Variants in GPLD1 observed in about 807,000 individuals in gnomAD.
The protein encoded by GPLD1 is phosphatidylinositol-glycan-specific phospholipase D.
Under a neutral mutation model 112.6 loss-of-function variants are expected in GPLD1, and 84 were observed. The observed-to-expected ratio is 0.75, with a 90% CI of 0.63 to 0.89. GPLD1 has a LOEUF of 0.89. GPLD1 is among the 40% of genes least tolerant of loss of function. GPLD1 has a pLI of 0.00. For missense variants in GPLD1, 1,044 were observed against 1,051.5 expected (o/e 0.99, Z 0.10); for synonymous variants, 386 against 403.8 (o/e 0.96, Z 0.53).
upstream of GPLD1, among the ~76,000 whole-genome samples, chr6:24,489,922 C>T (rs1374750512): frequency 6.6e-6 from 1 of 152,284 alleles, no homozygotes; most frequent in East Asian, 1.9e-4. Flanking sequence ...ACATATTAGA[C>T]CACCTCACCT....
chr6:24,441,146 T>TA (rs71542673), intron 20 of GPLD1, among the ~76,000 whole-genome samples: 9,071 of 139,514 alleles, frequency 0.065, 631 homozygotes, highest in African/African-American at 0.18. Context: ...CTACTAAAAA[T>TA]AAAAAAAAAA....
At chr6:24,454,784 C>A (rs1203190930) in intron 13 of GPLD1, among the ~76,000 whole-genome samples, 1 of 152,230 alleles carries the variant, frequency 6.6e-6, no homozygotes, top group African/African-American at 2.4e-5. Context: ...ACTACAGGGG[C>A]TGGAAAGACC....
chr6:24,479,186 C>T (rs1458686318), intron 3 of GPLD1, among the ~76,000 whole-genome samples: 1 of 152,102 alleles, frequency 6.6e-6, no homozygotes, highest in Non-Finnish European at 1.5e-5. Context: ...ACCTCCCCTC[C>T]AACTAGAGAC....
At position 24,486,817 on chromosome 6, in the gene GPLD1, C is replaced by CA. The variant is rs11322353; in HGVS notation, c.98-688dup. On this transcript the variant is annotated intron_variant, in intron 1 of 24. Coordinates refer to ENST00000230036, the MANE Select transcript of GPLD1 (RefSeq NM_001503.4). Reference sequence around the variant, plus strand: ...TGGGCAACAGAGCGAGGCTCTGTCTCAAAAAAAAAAAGAAACTGTCATCAT... The same window carrying CA: ...TGGGCAACAGAGCGAGGCTCTGTCTCAAAAAAAAAAAAGAAACTGTCATCAT... Among the ~76,000 whole-genome samples, 49 of 149,718 alleles carry CA rather than the reference C, an allele frequency of 3.3e-4. 1 individual carries two copies. The highest frequency in any genetic ancestry group is 2.3e-3 in the Admixed American group (35 of 15,004).
rs371384432 is a variant in GPLD1 at position 24,489,537 on chromosome 6, G to A, written c.-26C>T. 18 of 1,613,672 alleles carry A rather than the reference G, an allele frequency of 1.1e-5. No individual in the cohort carries two copies. The highest frequency in any genetic ancestry group is 4.0e-5 in the African/African-American group (3 of 75,014). ...GATCTCATTGCCCACCGGCTTCTCT[G>A]GTGACGTGGGAATGCTCAGAGCTGC... On this transcript the variant is annotated 5_prime_UTR_variant, in exon 1 of 25. Coordinates refer to ENST00000230036, the MANE Select transcript of GPLD1 (RefSeq NM_001503.4).
chr6:24,429,741 T>G (rs1041774739), intron 24 of GPLD1, among the ~76,000 whole-genome samples: 1 of 152,162 alleles, frequency 6.6e-6, no homozygotes, highest in Non-Finnish European at 1.5e-5. Flanking sequence ...AGAGACGAGC[T>G]CTCACCATGT....
In GPLD1 at chr6:24,454,117, G is replaced by C. The variant is rs147025091; in HGVS notation, c.1233C>G (p.Ile411Met). 2 of 1,613,990 alleles carry C rather than the reference G, an allele frequency of 1.2e-6. No homozygotes were observed. Among genetic ancestry groups the C allele is most frequent in the African/African-American group, 1.3e-5 (1 of 74,934 alleles). ...AGATGAGGTACACGCGCCCGATGTG[G>C]ATGTGGCCGGGGCGGCTGTAGCCTG... Reference protein sequence around the residue: ...GAPGYSRPGHIHIGRVYLIYG... With the variant: ...GAPGYSRPGHMHIGRVYLIYG... Residue 411 changes from isoleucine (I) to methionine (M), a missense_variant, in exon 14 of 25, where the codon ATC becomes ATG. Coordinates refer to ENST00000230036, the MANE Select transcript of GPLD1 (RefSeq NM_001503.4).
At position 24,477,536 on chromosome 6, in the gene GPLD1, T is replaced by C. The variant is rs186265728; in HGVS notation, c.233-1258A>G. Among the ~76,000 whole-genome samples, 364 of 151,350 alleles carry C rather than the reference T, an allele frequency of 2.4e-3. 1 individual carries two copies. The highest frequency in any genetic ancestry group is 3.2e-3 in the Non-Finnish European group (219 of 67,814). Reference sequence around the variant, plus strand: ...GAGGTTGAGACTAGCCTGGGCAACATAGCAAGACCACATCTCTACAAAAAT... The same window carrying C: ...GAGGTTGAGACTAGCCTGGGCAACACAGCAAGACCACATCTCTACAAAAAT... On this transcript the variant is annotated intron_variant, in intron 3 of 24. Coordinates refer to ENST00000230036, the MANE Select transcript of GPLD1 (RefSeq NM_001503.4).
At position 24,494,888 on chromosome 6, in the gene GPLD1, C is replaced by T. The variant is rs544626175; in HGVS notation, n.239+79G>A. On this transcript the variant is annotated intron_variant and non_coding_transcript_variant, in intron 1 of 10. Transcript: ENST00000474784. The stretch of plus-strand genomic sequence containing the variant: ...AACCTTCCGCCAGCTCCCACGCTTT[C>T]CCCGCGCGTCCCCGGCGCCTCCTCG... 1,823 of 1,174,042 alleles carry T rather than the reference C, an allele frequency of 1.6e-3. 15 individuals carry two copies. In the African/African-American group the frequency reaches 0.024, roughly 16 times the overall value. The allele number at this position is 1,174,042 out of a possible 1,614,324, so 72.7% of individuals were successfully genotyped here. A position where few individuals can be genotyped will look rare whatever the true frequency, so the allele number is the denominator to read the frequency against.
rs1437720591 is a variant in GPLD1, at chr6:24,464,255, G to A, written c.822-1460C>T. On this transcript the variant is annotated intron_variant, in intron 10 of 24. Coordinates refer to ENST00000230036, the MANE Select transcript of GPLD1 (RefSeq NM_001503.4). ...TCACAAAAATCCTATGGTAAAAATAGTATTGCTGTCCCAATTTTATAGGTG... is the reference window on the plus strand; with the variant it reads ...TCACAAAAATCCTATGGTAAAAATAATATTGCTGTCCCAATTTTATAGGTG... Among the ~76,000 whole-genome samples, 3 of 152,260 alleles carry A rather than the reference G, an allele frequency of 2.0e-5. No homozygotes were observed. The East Asian group carries it at 5.8e-4, about 29-fold the overall frequency.
chr6:24,433,138 A>T, intron 24 of GPLD1, 49 bp downstream of exon 24: 1 of 1,260,790 alleles, frequency 7.9e-7, no homozygotes, highest in South Asian at 1.2e-5. Context: ...ACCAAATCCC[A>T]CCCGTAGTAC....
At chr6:24,455,079 A>C (rs1430024421) in intron 13 of GPLD1, among the ~76,000 whole-genome samples, 2 of 152,246 alleles carry the variant, frequency 1.3e-5, no homozygotes, top group Non-Finnish European at 2.9e-5. Flanking sequence ...CAGTGAGCCG[A>C]AATCAGAACA....
upstream of GPLD1, among the ~76,000 whole-genome samples, chr6:24,493,594 G>A (rs1281587297): frequency 6.6e-6 from 1 of 152,178 alleles, no homozygotes; most frequent in South Asian, 2.1e-4. Context: ...CCCCACCTGT[G>A]ATACCTACTG....
rs1046615209 is a variant in GPLD1 at position 24,486,110 on chromosome 6, G to A, written c.118C>T (p.Leu40Phe). The A allele has an allele frequency of 5.0e-6, 8 of 1,590,750 alleles. No individual in the cohort carries two copies. The highest frequency in any genetic ancestry group is 6.9e-6 in the Non-Finnish European group (8 of 1,160,460). ...VEIGHRALEF[L>F]QLHNGRVNYR... ...TTAACACGCCCATTGTGAAGCTGAA[G>A]AAACTCCAGAGCTCTGTGTCCTGAG... Residue 40 changes from leucine to phenylalanine, a missense_variant, in exon 2 of 25, where the codon CTT becomes TTT. Physicochemically the swap from Leu to Phe is conservative, Grantham distance 22 (BLOSUM62 0). Coordinates refer to ENST00000230036, the MANE Select transcript of GPLD1 (RefSeq NM_001503.4).
chr6:24,493,279 C>G (rs1764603423), upstream of GPLD1, among the ~76,000 whole-genome samples: 1 of 152,156 alleles, frequency 6.6e-6, no homozygotes, highest in Non-Finnish European at 1.5e-5. Flanking sequence ...CATTCAAGAC[C>G]AGCCTGGCCA....
At chr6:24,459,539 G>A (rs1238407531) in intron 12 of GPLD1, among the ~76,000 whole-genome samples, 1 of 152,138 alleles carries the variant, frequency 6.6e-6, no homozygotes, top group Non-Finnish European at 1.5e-5. Flanking sequence ...TTACAGGCGT[G>A]AGCCACCACG....
chr6:24,424,276 T>A (rs1200169288), downstream of GPLD1: 1 of 151,426 alleles, frequency 6.6e-6, no homozygotes, highest in African/African-American at 2.5e-5. Flanking sequence ...ATTGTATGGA[T>A]TCCTAATCAA....
downstream of GPLD1, chr6:24,425,646 G>A (rs1762209519): frequency 6.6e-6 from 1 of 152,188 alleles, no homozygotes; most frequent in Admixed American, 6.5e-5. Context: ...ATTAATTACT[G>A]TTTGAAAGTA....
intron 12 of GPLD1, among the ~76,000 whole-genome samples, chr6:24,457,445 C>T (rs1763303310): frequency 6.6e-6 from 1 of 152,148 alleles, no homozygotes. Context: ...CTCACCATTG[C>T]ACTCCAGCCT....
Sources: allele counts gnomAD v4.1 joint callset (sites outside exome capture counted in the v4.1 genomes callset), GRCh38; gene constraint gnomAD v4.1.1; transcripts MANE v1.5; gene names NCBI Gene and HGNC (gene_info 2026-07-23, HGNC 2026-07-21).